Variants in CSTPP1 observed in about 807,000 individuals in gnomAD.
CSTPP1 encodes centriolar satellite-associated tubulin polyglutamylase complex regulator 1.
the CSTPP1 span, among the ~76,000 whole-genome samples, chr11:47,095,973 T>C: frequency 6.6e-6 from 1 of 152,166 alleles, no homozygotes; most frequent in East Asian, 1.9e-4. Flanking sequence ...AAGGGTACCC[T>C]ATCTCCTGTT....
chr11:47,067,102 T>C, the CSTPP1 span, among the ~76,000 whole-genome samples: 2 of 152,202 alleles, frequency 1.3e-5, no homozygotes, highest in African/African-American at 2.4e-5. Flanking sequence ...AAAATTGAGA[T>C]TCATACAGAT....
chr11:47,039,325 A>T, the CSTPP1 span, among the ~76,000 whole-genome samples: 1 of 127,220 alleles, frequency 7.9e-6, no homozygotes, highest in African/African-American at 2.5e-5. Context: ...ACACAGCGAA[A>T]CCCCGTCTCC....
At chr11:47,094,485 A>G in the CSTPP1 span, among the ~76,000 whole-genome samples, 2 of 151,678 alleles carry the variant, frequency 1.3e-5, no homozygotes, top group Non-Finnish European at 2.9e-5. Flanking sequence ...ACACACAGAG[A>G]GAGAGAGAGA....
chr11:47,153,052 C>T, the CSTPP1 span, among the ~76,000 whole-genome samples: 1 of 152,236 alleles, frequency 6.6e-6, no homozygotes, highest in Admixed American at 6.5e-5. Context: ...CTCACTCTTC[C>T]TCTGCAGTTT....
At chr11:47,001,605 A>G in the CSTPP1 span, among the ~76,000 whole-genome samples, 1 of 152,166 alleles carries the variant, frequency 6.6e-6, no homozygotes, top group East Asian at 1.9e-4. Context: ...ATATTCCTAA[A>G]TAACTTAAAA....
chr11:47,065,789 G>T, the CSTPP1 span, among the ~76,000 whole-genome samples: 51,844 of 151,534 alleles, frequency 0.34, 10,493 homozygotes, highest in Non-Finnish European at 0.44. Context: ...TGTCGCCCAG[G>T]CTAGAGTGTA....
the CSTPP1 span, among the ~76,000 whole-genome samples, chr11:46,997,050 G>A: frequency 2.6e-5 from 4 of 152,050 alleles, no homozygotes; most frequent in Non-Finnish European, 2.9e-5. Flanking sequence ...TGCTCTTCTC[G>A]AGGAGTATCT....
At chr11:46,970,561 A>G in the CSTPP1 span, among the ~76,000 whole-genome samples, 1 of 151,864 alleles carries the variant, frequency 6.6e-6, no homozygotes, top group Non-Finnish European at 1.5e-5. Context: ...ATTTTTTATA[A>G]CTAAAGTATA....
chr11:47,066,995 T>C, the CSTPP1 span, among the ~76,000 whole-genome samples: 2 of 152,214 alleles, frequency 1.3e-5, no homozygotes, highest in Non-Finnish European at 2.9e-5. Context: ...ATGATGAAAT[T>C]GGTTTTATTA....
the CSTPP1 span, among the ~76,000 whole-genome samples, chr11:47,075,204 T>A: frequency 6.6e-6 from 1 of 151,996 alleles, no homozygotes; most frequent in Non-Finnish European, 1.5e-5. Context: ...AAACCCCATA[T>A]CTACTAAAAC....
At chr11:47,137,449 C>A in the CSTPP1 span, 2 of 1,507,860 alleles carry the variant, frequency 1.3e-6, no homozygotes, top group Non-Finnish European at 1.8e-6. Flanking sequence ...TGCCTCCCAC[C>A]CTGGAAAAGC....
At chr11:47,015,244 G>T in the CSTPP1 span, among the ~76,000 whole-genome samples, 1 of 151,836 alleles carries the variant, frequency 6.6e-6, no homozygotes, top group African/African-American at 2.4e-5. Flanking sequence ...CAAGGCAGGG[G>T]GATCGCGAGG....
chr11:47,076,124 G>A, the CSTPP1 span, among the ~76,000 whole-genome samples: 2 of 151,944 alleles, frequency 1.3e-5, no homozygotes, highest in Admixed American at 1.3e-4. Context: ...TTAAACTAGA[G>A]GAGCTCTTGA....
the CSTPP1 span, among the ~76,000 whole-genome samples, chr11:47,126,607 T>A: frequency 4.6e-5 from 7 of 152,154 alleles, no homozygotes; most frequent in African/African-American, 1.7e-4. Context: ...CACTCCAGCC[T>A]GGGTAACAGA....
the CSTPP1 span, among the ~76,000 whole-genome samples, chr11:46,963,112 T>C: frequency 2.0e-5 from 3 of 152,292 alleles, no homozygotes; most frequent in African/African-American, 4.8e-5. Flanking sequence ...TTTTATTTTT[T>C]TTTTCTTGCC....
chr11:47,114,670 C>G, the CSTPP1 span, among the ~76,000 whole-genome samples: 1 of 152,130 alleles, frequency 6.6e-6, no homozygotes, highest in Non-Finnish European at 1.5e-5. Flanking sequence ...GTGATTTTTG[C>G]ACATTGATTT....
chr11:47,062,308 A>G, the CSTPP1 span, among the ~76,000 whole-genome samples: 1 of 152,150 alleles, frequency 6.6e-6, no homozygotes, highest in Non-Finnish European at 1.5e-5. Context: ...TTTTTGTTAT[A>G]TAATATGAAG....
At chr11:47,018,767 G>A in the CSTPP1 span, among the ~76,000 whole-genome samples, 3 of 152,076 alleles carry the variant, frequency 2.0e-5, no homozygotes, top group African/African-American at 7.2e-5. Context: ...GTCTTGATTT[G>A]CATTTCTCAA....
At chr11:47,115,660 C>G in the CSTPP1 span, among the ~76,000 whole-genome samples, 1 of 151,366 alleles carries the variant, frequency 6.6e-6, no homozygotes, top group Non-Finnish European at 1.5e-5. Flanking sequence ...TGATGATATC[C>G]CCTTTAACAT....
Sources: gnomAD v4.1 joint callset for allele counts (sites outside exome capture counted in the v4.1 genomes callset) on GRCh38, gnomAD v4.1.1 for gene constraint, MANE v1.5 for transcripts, NCBI Gene and HGNC (gene_info 2026-07-23, HGNC 2026-07-21) for gene names.